Variants in LPGAT1 observed in about 807,000 individuals in gnomAD.
LPGAT1 encodes lysophosphatidylglycerol acyltransferase 1.
A neutral mutation model predicts 47.5 loss-of-function variants in LPGAT1; 11 were observed. The ratio of observed to expected loss-of-function variants is 0.23; its 90% CI spans 0.15 to 0.38. The LOEUF (loss-of-function observed/expected upper bound fraction) is 0.38. LPGAT1 is among the 10% of genes least tolerant of loss of function. LPGAT1 has a pLI of 1.00. For missense variants in LPGAT1, 293 were observed against 439.0 expected, an observed-to-expected ratio of 0.67 and a Z score of 2.97; for synonymous variants, 138 against 144.2, an observed-to-expected ratio of 0.96 and a Z score of 0.31.
chr1:211,793,315 T>C (rs1211464964), intron 2 of LPGAT1, 125 bp from the exon 3 acceptor site: 7 of 535,262 alleles, frequency 1.3e-5, no homozygotes, highest in East Asian at 6.8e-5. Flanking sequence ...TCCGAAAGTT[T>C]AGAACTAAGT....
chr1:211,811,224 C>G (rs1311613070), intron 2 of LPGAT1, among the ~76,000 whole-genome samples: 1 of 152,164 alleles, frequency 6.6e-6, no homozygotes, highest in African/African-American at 2.4e-5. Context: ...AACAAAAGGA[C>G]TGGGTCTTGA....
At position 211,830,397 on chromosome 1, in the gene LPGAT1, G is replaced by A. The variant is rs2102619379; in HGVS notation, c.-28+176C>T. On this transcript the variant is annotated intron_variant, in intron 1 of 7. Coordinates refer to ENST00000366997, the MANE Select transcript of LPGAT1 (RefSeq NM_014873.3). This position sits in a 1 kb window ranked among gnomAD's most constrained non-coding sequence, Gnocchi z 5.9. The stretch of plus-strand genomic sequence containing the variant: ...TCACCCGGGCGGGTCCCGGGGAGGC[G>A]GGCGGATGCCCCGCGCCCCCGCCTC... 2 of 1,173,674 alleles carry A rather than the reference G, an allele frequency of 1.7e-6. No homozygotes were observed. The highest frequency in any genetic ancestry group is 2.1e-6 in the Non-Finnish European group (2 of 950,552). The allele number at this position is 1,173,674 out of a possible 1,614,324, so 72.7% of individuals were successfully genotyped here.
At chr1:211,775,862 C>T (rs147249669) in intron 6 of LPGAT1, among the ~76,000 whole-genome samples, 1,843 of 145,980 alleles carry the variant, frequency 0.013, 20 homozygotes, top group Admixed American at 0.023. Context: ...ACCTGGGAGG[C>T]GGAGGTTACG....
chr1:211,769,413 T>C (rs1039952992), intron 6 of LPGAT1, among the ~76,000 whole-genome samples: 3 of 152,052 alleles, frequency 2.0e-5, no homozygotes, highest in Non-Finnish European at 4.4e-5. Context: ...AGTATATATT[T>C]TTAGGAAAAT....
intron 4 of LPGAT1, among the ~76,000 whole-genome samples, chr1:211,784,912 T>C (rs907789193): frequency 5.3e-5 from 8 of 151,472 alleles, no homozygotes; most frequent in African/African-American, 1.9e-4. Context: ...CACGCCATTC[T>C]CCTGCCTCAG....
Position 211,748,231 on chromosome 1 carries a change from A to G in LPGAT1, c.*1668T>C, listed in dbSNP as rs1285313789. 1 of 152,658 alleles carries G rather than the reference A, an allele frequency of 6.6e-6. No homozygotes were observed. Among genetic ancestry groups the G allele is most frequent in the Admixed American group, 6.5e-5 (1 of 15,288 alleles). 9.5% of individuals were successfully genotyped at this position (152,658 alleles called of 1,614,324 possible). A position where few individuals can be genotyped will look rare whatever the true frequency, so the allele number is the denominator to read the frequency against. On this transcript the variant is annotated 3_prime_UTR_variant, in exon 8 of 8. Transcript: ENST00000366997. ...ACCACTGACTTACTAGGATCTTAAT[A>G]GTCTTACAATCCCAAACAAAAACCC...
intron 6 of LPGAT1, among the ~76,000 whole-genome samples, chr1:211,757,477 T>C (rs1346808277): frequency 6.6e-6 from 1 of 152,230 alleles, no homozygotes; most frequent in African/African-American, 2.4e-5. Context: ...ATACAAATGC[T>C]AGTATTGGTT....
At chr1:211,806,103 T>C (rs1260766278) in intron 2 of LPGAT1, among the ~76,000 whole-genome samples, 1 of 151,674 alleles carries the variant, frequency 6.6e-6, no homozygotes, top group African/African-American at 2.4e-5. Flanking sequence ...CTACTAAAAA[T>C]ACAAAAATTA....
chr1:211,829,540 C>A, intron 1 of LPGAT1: 1 of 1,395,010 alleles, frequency 7.2e-7, no homozygotes, highest in Non-Finnish European at 9.3e-7. Context: ...CACCGAGGCA[C>A]GAAGTATGTC....
chr1:211,775,352 T>C (rs868423051), intron 6 of LPGAT1, among the ~76,000 whole-genome samples: 5 of 152,130 alleles, frequency 3.3e-5, no homozygotes, highest in Admixed American at 6.5e-5. Flanking sequence ...CACTGATTAA[T>C]GTTAAATAAA....
At chr1:211,814,943 C>G (rs113408946) in intron 2 of LPGAT1, among the ~76,000 whole-genome samples, 1 of 152,160 alleles carries the variant, frequency 6.6e-6, no homozygotes, top group Non-Finnish European at 1.5e-5. Flanking sequence ...TTCAGCGGGT[C>G]CCTGCATTGA....
chr1:211,751,673 G>C (rs971554048), intron 6 of LPGAT1, among the ~76,000 whole-genome samples: 8 of 152,210 alleles, frequency 5.3e-5, no homozygotes, highest in African/African-American at 1.9e-4. Context: ...CCCATGGACT[G>C]AGAGGGGACA....
chr1:211,769,141 G>A (rs1658058697), intron 6 of LPGAT1, among the ~76,000 whole-genome samples: 1 of 152,118 alleles, frequency 6.6e-6, no homozygotes, highest in African/African-American at 2.4e-5. Flanking sequence ...TTCTCCAGCG[G>A]ACAAAGGTAA....
At chr1:211,792,440 T>C (rs1014798084) in intron 3 of LPGAT1, 1 of 144,186 alleles carries the variant, frequency 6.9e-6, no homozygotes, top group Non-Finnish European at 1.6e-5. Context: ...TTTTTCAAAC[T>C]AGCAATCCAC....
At chr1:211,804,637 C>T (rs1659691115) in intron 2 of LPGAT1, among the ~76,000 whole-genome samples, 1 of 152,046 alleles carries the variant, frequency 6.6e-6, no homozygotes, top group African/African-American at 2.4e-5. Flanking sequence ...ATAAAATTGG[C>T]TGTCATTATT....
chr1:211,817,123 C>A (rs1660201376), intron 2 of LPGAT1, among the ~76,000 whole-genome samples: 1 of 152,118 alleles, frequency 6.6e-6, no homozygotes, highest in Non-Finnish European at 1.5e-5. Flanking sequence ...TAAATTTAGC[C>A]CCCAGTTAAT....
intron 6 of LPGAT1, among the ~76,000 whole-genome samples, chr1:211,761,164 C>T (rs1657683250): frequency 6.6e-6 from 1 of 152,116 alleles, no homozygotes; most frequent in African/African-American, 2.4e-5. Context: ...ATGCATGCCA[C>T]CACTTGCAGG....
chr1:211,774,132 C>CTTTTT (rs67342051), intron 6 of LPGAT1, among the ~76,000 whole-genome samples: 4,100 of 66,408 alleles, frequency 0.062, 967 homozygotes, highest in East Asian at 0.19. Flanking sequence ...TTTTAAAAGT[C>CTTTTT]TTTTTTTTTT....
intron 5 of LPGAT1, among the ~76,000 whole-genome samples, chr1:211,782,816 G>C (rs1396768654): frequency 6.6e-6 from 1 of 152,018 alleles, no homozygotes; most frequent in African/African-American, 2.4e-5. Flanking sequence ...TTTGATAAAT[G>C]AAAATATGTA....
Sources: allele counts gnomAD v4.1 joint callset (sites outside exome capture counted in the v4.1 genomes callset), GRCh38; gene constraint gnomAD v4.1.1; non-coding constraint Gnocchi (gnomAD v3.1); transcripts MANE v1.5; gene names NCBI Gene and HGNC (gene_info 2026-07-23, HGNC 2026-07-21).